Variants in ABCG2 observed in about 807,000 individuals in gnomAD.
ABCG2 encodes the protein broad substrate specificity ATP-binding cassette transporter ABCG2.
A neutral mutation model predicts 73.5 loss-of-function variants in ABCG2; 80 were observed. The ratio of observed to expected loss-of-function variants is 1.09; its 90% CI spans 0.91 to 1.31. ABCG2 has a LOEUF of 1.31. Among genes scored for constraint, ABCG2 ranks in the 50% most tolerant of loss-of-function variants. The pLI is 0.00. For missense variants in ABCG2, 796 were observed against 786.2 expected, an observed-to-expected ratio of 1.01 and a Z score of -0.15; for synonymous variants, 269 against 282.4, an observed-to-expected ratio of 0.95 and a Z score of 0.48.
intron 1 of ABCG2, among the ~76,000 whole-genome samples, chr4:88,148,845 G>C (rs1726243708): frequency 6.6e-6 from 1 of 152,160 alleles, no homozygotes; most frequent in Non-Finnish European, 1.5e-5. Context: ...AATCAAGACA[G>C]ATCATTCATG....
intron 1 of ABCG2, among the ~76,000 whole-genome samples, chr4:88,177,411 C>A (rs1040277740): frequency 1.3e-5 from 2 of 151,796 alleles, no homozygotes; most frequent in Non-Finnish European, 2.9e-5. Context: ...AGAATATTAC[C>A]CTTGTGGAAA....
chr4:88,224,029 A>T, intron 1 of ABCG2, among the ~76,000 whole-genome samples: 1 of 152,116 alleles, frequency 6.6e-6, no homozygotes, highest in East Asian at 1.9e-4. Context: ...GTCTATTCAA[A>T]TTATTTGCCT....
intron 1 of ABCG2, among the ~76,000 whole-genome samples, chr4:88,198,298 A>C (rs1207437286): frequency 1.3e-5 from 2 of 152,164 alleles, no homozygotes; most frequent in African/African-American, 4.8e-5. Context: ...GTGCCACTGC[A>C]CTTCAGCCTG....
intron 1 of ABCG2, among the ~76,000 whole-genome samples, chr4:88,155,860 G>A (rs566904798): frequency 3.0e-4 from 46 of 151,884 alleles, no homozygotes; most frequent in African/African-American, 1.1e-3. Flanking sequence ...AGTCAGCTGA[G>A]ATCCCACCAT....
intron 1 of ABCG2, among the ~76,000 whole-genome samples, chr4:88,212,098 A>T (rs550613130): frequency 6.6e-6 from 1 of 152,298 alleles, no homozygotes; most frequent in South Asian, 2.1e-4. Context: ...TCTCAAAAGT[A>T]TGATTGCCCT....
At chr4:88,167,787 A>C (rs1416314705) in intron 1 of ABCG2, among the ~76,000 whole-genome samples, 1 of 152,162 alleles carries the variant, frequency 6.6e-6, no homozygotes, top group African/African-American at 2.4e-5. Context: ...AATCCTTCAG[A>C]TCAGTACCTA....
At chr4:88,165,581 T>C (rs962261413) in intron 1 of ABCG2, among the ~76,000 whole-genome samples, 1 of 152,178 alleles carries the variant, frequency 6.6e-6, no homozygotes, top group Admixed American at 6.5e-5. Context: ...TTAAAGTTAT[T>C]TGGGCCAGGT....
rs566475056 is a variant in ABCG2 at position 88,204,142 on chromosome 4, C to A, written c.-20+26852G>T. ...CTCAGCTGTAAAGAATTCAAGCCGG[C>A]CGGGCTTGGTGGCTCATGCCTGTAA... On this transcript the variant is annotated intron_variant, in intron 1 of 15. Coordinates refer to the ABCG2 transcript ENST00000515655. Among the ~76,000 whole-genome samples, 156 of 152,298 alleles carry A rather than the reference C, an allele frequency of 1.0e-3. 1 individual carries two copies. The highest frequency in any genetic ancestry group is 2.0e-3 in the Non-Finnish European group (134 of 68,038).
At chr4:88,143,134 T>C (rs1286603657) in intron 1 of ABCG2, among the ~76,000 whole-genome samples, 1 of 152,148 alleles carries the variant, frequency 6.6e-6, no homozygotes, top group African/African-American at 2.4e-5. Flanking sequence ...TGCGTGTACA[T>C]TATATGCAAA....
At chr4:88,125,095 A>G (rs1340945200) in intron 5 of ABCG2, among the ~76,000 whole-genome samples, 2 of 151,812 alleles carry the variant, frequency 1.3e-5, no homozygotes, top group Non-Finnish European at 2.9e-5. Flanking sequence ...GATCAAGACC[A>G]TCCTGGCTAA....
At chr4:88,127,298 T>G (rs28750688) in intron 5 of ABCG2, among the ~76,000 whole-genome samples, 13 of 152,232 alleles carry the variant, frequency 8.5e-5, no homozygotes, top group African/African-American at 2.9e-4. Flanking sequence ...AAACATTTCA[T>G]GCTCATGGAT....
chr4:88,150,230 T>C (rs991823261), intron 1 of ABCG2, among the ~76,000 whole-genome samples: 1 of 151,616 alleles, frequency 6.6e-6, no homozygotes, highest in African/African-American at 2.4e-5. Context: ...GGCACAAGAA[T>C]TGCTTGAACC....
At chr4:88,160,848 CA>C (rs765758097), upstream of ABCG2, among the ~76,000 whole-genome samples, 2,200 of 37,480 alleles carry the variant, frequency 0.059, 4 homozygotes, top group Non-Finnish European at 0.076. Context: ...GACTCCATCT[CA>C]AAAAAAAAAA....
chr4:88,114,808 C>T, intron 8 of ABCG2, 149 bp downstream of exon 8: 1 of 547,272 alleles, frequency 1.8e-6, no homozygotes, highest in East Asian at 2.9e-5. Context: ...ACCAACAGCA[C>T]TCACAGACAA....
chr4:88,204,355 A>G (rs1189794218), intron 1 of ABCG2, among the ~76,000 whole-genome samples: 1 of 152,214 alleles, frequency 6.6e-6, no homozygotes, highest in Non-Finnish European at 1.5e-5. Context: ...TGGGAGGTAC[A>G]GGTTGCAGTG....
chr4:88,158,961 G>T, upstream of ABCG2: 1 of 352,590 alleles, frequency 2.8e-6, no homozygotes, highest in Non-Finnish European at 5.5e-6. Context: ...TTCGCGGGCG[G>T]GGGTGAGGCG....
intron 1 of ABCG2, among the ~76,000 whole-genome samples, chr4:88,171,934 T>G (rs1727772478): frequency 6.6e-6 from 1 of 152,102 alleles, no homozygotes; most frequent in African/African-American, 2.4e-5. Flanking sequence ...CACAGTGTGC[T>G]ATGATTGTGC....
chr4:88,189,976 A>G (rs914965014), intron 1 of ABCG2, among the ~76,000 whole-genome samples: 2 of 152,208 alleles, frequency 1.3e-5, no homozygotes, highest in Non-Finnish European at 2.9e-5. Flanking sequence ...GAATGAAGTT[A>G]GTTTAAAGTG....
Position 88,118,251 on chromosome 4 carries a change from C to A in ABCG2, c.699G>T (p.Lys233Asn). 6.2e-7 allele frequency: 1 copy of A among 1,613,862 alleles called. No homozygotes were observed. Among genetic ancestry groups the A allele is most frequent in the Non-Finnish European group, 8.5e-7 (1 of 1,179,870 alleles). ...AVLLLLKRMS[K>N]QGRTIIFSIH... is the part of the protein sequence containing the mutation. ...TGGAGAAGATGATTGTTCGTCCCTG[C>A]TTAGACATCCTAAGTTAAAAGTGAG... The change falls in exon 7 of 16, where the codon AAG (lysine) becomes AAT (asparagine). Residue 233 changes from lysine to asparagine, a missense_variant. Physicochemically the swap from Lys to Asn is moderately conservative, Grantham distance 94 (BLOSUM62 0). Transcript: ENST00000237612.
Sources: allele counts gnomAD v4.1 joint callset (sites outside exome capture counted in the v4.1 genomes callset), GRCh38; gene constraint gnomAD v4.1.1; transcripts MANE v1.5; gene names NCBI Gene and HGNC (gene_info 2026-07-23, HGNC 2026-07-21).